The following DENND4A variants were observed in gnomAD, a reference collection of about 807,000 sequenced individuals.
The protein encoded by DENND4A is DENN domain containing 4A.
Under a neutral mutation model 199.3 loss-of-function variants are expected in DENND4A, and 70 were observed. The observed-to-expected ratio is 0.35, with a 90% CI of 0.29 to 0.43. DENND4A has a LOEUF of 0.43. Ranked by LOEUF, DENND4A falls within the 20% of genes least tolerant of loss-of-function variation. The pLI is 1.00. For synonymous variants in DENND4A, 686 were observed against 766.9 expected (o/e 0.89, Z 1.74); for missense variants, 1,723 against 2,255.8 (o/e 0.76, Z 4.78).
At position 65,691,549 on chromosome 15, in the gene DENND4A, T is replaced by C. The variant is rs779010399; in HGVS notation, c.3083-38A>G. Reference sequence around the variant, plus strand: ...TAAAGTGCTTTTAGCCATGAAAATATAATAGCAAATATAAGTCATCTTAAA... The same window carrying C: ...TAAAGTGCTTTTAGCCATGAAAATACAATAGCAAATATAAGTCATCTTAAA... On this transcript the variant is annotated intron_variant, in intron 22 of 32. Transcript: ENST00000443035. The C allele has an allele frequency of 2.8e-5, 41 of 1,485,328 alleles. 2 individuals are homozygous for C. The highest frequency in any genetic ancestry group is 2.7e-4 in the South Asian group (19 of 70,984). The allele number at this position is 1,485,328 out of a possible 1,614,324, so 92.0% of individuals were successfully genotyped here.
chr15:65,701,921 C>G (rs1376176682), intron 17 of DENND4A, 31 bp from the exon 18 acceptor site: 1 of 1,612,336 alleles, frequency 6.2e-7, no homozygotes, highest in Non-Finnish European at 8.5e-7. Context: ...TGTACCGAAA[C>G]ACAGATGTCA....
Position 65,664,640 on chromosome 15 carries a change from G to T in DENND4A, c.5442C>A (p.Ser1814Arg). 1 of 1,612,348 alleles carries T rather than the reference G, an allele frequency of 6.2e-7. No homozygotes were observed. Among genetic ancestry groups the T allele is most frequent in the Non-Finnish European group, 8.5e-7 (1 of 1,178,714 alleles). ...NQELLKSMVK[S>R]IKMNDVYGPM... ...GTCCATAGACATCATTCATTTTAAT[G>T]CTTTTTACCATACTTTTCAACAGTT... Residue 1814 changes from serine to arginine, a missense_variant, in exon 31 of 33, where the codon AGC becomes AGA. By Grantham distance (110) the Ser-to-Arg change is moderately radical (BLOSUM62 -1). Coordinates refer to ENST00000443035, the MANE Select transcript of DENND4A (RefSeq NM_001320835.1).
intron 27 of DENND4A, 88 bp from the exon 28 acceptor site, chr15:65,668,211 T>A: frequency 9.9e-5 from 18 of 181,750 alleles, no homozygotes; most frequent in Non-Finnish European, 1.8e-4. Flanking sequence ...TCTCTCTCTC[T>A]TTTTTTTTTT....
intron 1 of DENND4A, among the ~76,000 whole-genome samples, chr15:65,778,772 TA>T (rs1216911651): frequency 6.6e-6 from 1 of 151,490 alleles, no homozygotes; most frequent in Non-Finnish European, 1.5e-5. Flanking sequence ...CACGTGCCTG[TA>T]ATCCCAGCTA....
intron 4 of DENND4A, among the ~76,000 whole-genome samples, chr15:65,746,125 G>C (rs2076382668): frequency 6.7e-6 from 1 of 149,646 alleles, no homozygotes; most frequent in Non-Finnish European, 1.5e-5. Flanking sequence ...TGGGCGACAA[G>C]AGTGAAACTC....
intron 6 of DENND4A, 36 bp downstream of exon 6, chr15:65,738,670 G>A: frequency 6.4e-7 from 1 of 1,558,204 alleles, no homozygotes; most frequent in Middle Eastern, 1.7e-4. Context: ...AAATGTACAA[G>A]AAATTTGTAG....
intron 18 of DENND4A, 34 bp from the exon 19 acceptor site, chr15:65,701,226 A>T (rs1464071751): frequency 1.4e-6 from 2 of 1,454,156 alleles, no homozygotes; most frequent in Non-Finnish European, 9.2e-7. Context: ...AATTAGTAAA[A>T]TAATTTTTAT....
At chr15:65,772,199 G>A (rs1273483428) in intron 1 of DENND4A, 2 of 637,854 alleles carry the variant, frequency 3.1e-6, no homozygotes, top group South Asian at 2.0e-5. Flanking sequence ...TCACTTCAAT[G>A]TTTGGTGACT....
chr15:65,764,423 G>C (rs2076928928), intron 1 of DENND4A, among the ~76,000 whole-genome samples: 1 of 151,664 alleles, frequency 6.6e-6, no homozygotes, highest in African/African-American at 2.4e-5. Context: ...TTGAGATCAG[G>C]GGTTTGAGAC....
intron 20 of DENND4A, among the ~76,000 whole-genome samples, chr15:65,698,242 C>A (rs1272234911): frequency 6.6e-6 from 1 of 152,134 alleles, no homozygotes; most frequent in African/African-American, 2.4e-5. Context: ...GCACTCCAGT[C>A]TGGGCGACAG....
chr15:65,699,015 G>A (rs941344775), intron 20 of DENND4A, among the ~76,000 whole-genome samples: 1 of 152,054 alleles, frequency 6.6e-6, no homozygotes. Context: ...TAGAATTACA[G>A]GTGTGAGCCA....
At chr15:65,738,578 T>A (rs1023112916) in intron 6 of DENND4A, 128 bp downstream of exon 6, 2 of 774,136 alleles carry the variant, frequency 2.6e-6, no homozygotes, top group Admixed American at 3.4e-5. Context: ...ATACAGTTAT[T>A]TTAATCAACT....
intron 9 of DENND4A, among the ~76,000 whole-genome samples, chr15:65,730,946 A>G (rs928313928): frequency 6.6e-6 from 1 of 152,102 alleles, no homozygotes; most frequent in Non-Finnish European, 1.5e-5. Flanking sequence ...AGTGACATAC[A>G]TAGTCTCACT....
At chr15:65,717,054 A>G (rs1373449688) in intron 13 of DENND4A, among the ~76,000 whole-genome samples, 3 of 152,160 alleles carry the variant, frequency 2.0e-5, no homozygotes, top group Non-Finnish European at 4.4e-5. Context: ...CTTCCGTGAT[A>G]TGAGGTTGTG....
At chr15:65,705,055 G>A (rs2075004307) in intron 15 of DENND4A, among the ~76,000 whole-genome samples, 2 of 152,184 alleles carry the variant, frequency 1.3e-5, no homozygotes, top group African/African-American at 2.4e-5. Context: ...GAAAGACAAA[G>A]AGAGGAAGAG....
chr15:65,781,887 G>GAA (rs2077444515), intron 1 of DENND4A, among the ~76,000 whole-genome samples: 1 of 152,204 alleles, frequency 6.6e-6, no homozygotes, highest in Admixed American at 6.5e-5. Flanking sequence ...GACAGGCAGA[G>GAA]AATACACAAA....
At chr15:65,706,501 T>C (rs1177099582) in intron 14 of DENND4A, among the ~76,000 whole-genome samples, 11 of 138,668 alleles carry the variant, frequency 7.9e-5, no homozygotes, top group African/African-American at 2.3e-4. Flanking sequence ...CACACATATA[T>C]ATATATATTT....
intron 23 of DENND4A, among the ~76,000 whole-genome samples, chr15:65,677,748 A>AT (rs1390711609): frequency 6.6e-6 from 1 of 152,070 alleles, no homozygotes; most frequent in Non-Finnish European, 1.5e-5. Context: ...TTTCCCACTG[A>AT]TGTTAAATGC....
intron 4 of DENND4A, among the ~76,000 whole-genome samples, chr15:65,746,933 T>C (rs1260374180): frequency 7.8e-6 from 1 of 128,494 alleles, no homozygotes; most frequent in African/African-American, 2.9e-5. Flanking sequence ...CTGTCTCTAC[T>C]AAAAAAAAAA....
Sources: gnomAD v4.1 joint callset for allele counts (sites outside exome capture counted in the v4.1 genomes callset) on GRCh38, gnomAD v4.1.1 for gene constraint, MANE v1.5 for transcripts, NCBI Gene and HGNC (gene_info 2026-07-23, HGNC 2026-07-21) for gene names.